PALM2AKAP2: variants seen among roughly 807,000 people sequenced by gnomAD.
PALM2AKAP2 encodes the protein PALM2-AKAP2 fusion protein.
A neutral mutation model predicts 71.5 loss-of-function variants in PALM2AKAP2; 37 were observed. The observed-to-expected ratio is 0.52, with a 90% CI of 0.40 to 0.68. The LOEUF is 0.68. Among genes scored for constraint, PALM2AKAP2 ranks in the 30% least tolerant of loss-of-function variants. PALM2AKAP2 has a pLI of 0.00. For synonymous variants in PALM2AKAP2, 468 were observed against 478.8 expected (o/e 0.98, Z 0.29); for missense variants, 1,224 against 1,191.8 (o/e 1.03, Z -0.40).
chr9:109,699,449 T>A (rs1420554372), intron 1 of PALM2AKAP2, among the ~76,000 whole-genome samples: 1 of 152,256 alleles, frequency 6.6e-6, no homozygotes, highest in Non-Finnish European at 1.5e-5. Flanking sequence ...GGATGTTTAT[T>A]GTAGCATTAT....
rs78882799 is a variant in PALM2AKAP2, at chr9:110,064,981, G to C, written c.156+16126G>C. On this transcript the variant is annotated intron_variant, in intron 1 of 3. Transcript: ENST00000374525. ...CTTCCACAGCTGTCAGAAAGGGCTT[G>C]TTCTGAGGGTGACCTGCAGGTTGCA... 4.7e-3 allele frequency among the ~76,000 whole-genome samples: 715 copies of C among 152,302 alleles called. 2 individuals carry two copies. The highest frequency in any genetic ancestry group is 7.9e-3 in the Non-Finnish European group (537 of 68,028).
rs775166266 is a variant in PALM2AKAP2, at chr9:109,960,152, A to G, written c.496+28124A>G. Among the ~76,000 whole-genome samples the G allele has an allele frequency of 4.8e-4, 73 of 151,646 alleles. 1 individual carries two copies. Among genetic ancestry groups the G allele is most frequent in the Admixed American group, 3.9e-4 (6 of 15,222 alleles). ...CTGGCCATTTTCACCCCTTCCCCAC[A>G]CTTGGCCCATGCTGTTCTGTGCACA... On this transcript the variant is annotated intron_variant, in intron 6 of 9. Transcript: ENST00000302798.
chr9:109,884,506 G>A (rs1479983546), intron 3 of PALM2AKAP2, among the ~76,000 whole-genome samples: 1 of 152,090 alleles, frequency 6.6e-6, no homozygotes, highest in East Asian at 1.9e-4. Context: ...AACAATGCAA[G>A]AATGCAGAGA....
At chr9:109,781,449 A>G (rs1188389358) in intron 1 of PALM2AKAP2, among the ~76,000 whole-genome samples, 1 of 152,262 alleles carries the variant, frequency 6.6e-6, no homozygotes, top group Non-Finnish European at 1.5e-5. Context: ...ATCTCCAGAC[A>G]TTCTTCCACC....
At chr9:109,783,398 A>C (rs985393959) in intron 1 of PALM2AKAP2, among the ~76,000 whole-genome samples, 2 of 151,942 alleles carry the variant, frequency 1.3e-5, no homozygotes, top group African/African-American at 4.8e-5. Flanking sequence ...CTGCATCCTG[A>C]AACCATCCTC....
chr9:110,076,289 T>G (rs1372124853), intron 1 of PALM2AKAP2, among the ~76,000 whole-genome samples: 1 of 151,970 alleles, frequency 6.6e-6, no homozygotes, highest in Non-Finnish European at 1.5e-5. Context: ...GAATTTTACC[T>G]AGATAAATGC....
At chr9:110,001,522 T>C (rs1436554500) in intron 6 of PALM2AKAP2, among the ~76,000 whole-genome samples, 1 of 152,230 alleles carries the variant, frequency 6.6e-6, no homozygotes, top group East Asian at 1.9e-4. Context: ...CATATGAACT[T>C]TAAAGTAGTT....
At chr9:110,095,827 T>G (rs1401141313) in intron 1 of PALM2AKAP2, among the ~76,000 whole-genome samples, 1 of 152,200 alleles carries the variant, frequency 6.6e-6, no homozygotes, top group East Asian at 1.9e-4. Flanking sequence ...GGAAGGAGTA[T>G]TGAGTTCCTA....
intron 6 of PALM2AKAP2, among the ~76,000 whole-genome samples, chr9:110,010,928 G>A (rs61572864): frequency 0.027 from 3,900 of 142,134 alleles, 157 homozygotes; most frequent in African/African-American, 0.091. Flanking sequence ...CCTGGGAGGC[G>A]GAGGTTGCCA....
chr9:109,741,568 T>C (rs1476545073), intron 1 of PALM2AKAP2, among the ~76,000 whole-genome samples: 1 of 152,210 alleles, frequency 6.6e-6, no homozygotes, highest in East Asian at 1.9e-4. Flanking sequence ...AATTTTATGC[T>C]CCCACCAGCA....
chr9:109,961,817 A>C (rs536779638), intron 6 of PALM2AKAP2, among the ~76,000 whole-genome samples: 1 of 152,252 alleles, frequency 6.6e-6, no homozygotes, highest in East Asian at 1.9e-4. Flanking sequence ...ACATCAAAGC[A>C]TTTCCTTTTT....
At chr9:110,022,868 G>A (rs1380865599) in intron 7 of PALM2AKAP2, among the ~76,000 whole-genome samples, 7 of 151,996 alleles carry the variant, frequency 4.6e-5, no homozygotes, top group Admixed American at 2.0e-4. Context: ...TGAGAATGAT[G>A]GTTTCCAGTT....
chr9:109,693,190 C>A (rs1200319725), intron 1 of PALM2AKAP2, among the ~76,000 whole-genome samples: 3 of 151,718 alleles, frequency 2.0e-5, no homozygotes, highest in Admixed American at 6.6e-5. Context: ...TTATTTATTT[C>A]TTGAGTGAGT....
At chr9:110,020,767 A>C (rs1833060281) in intron 7 of PALM2AKAP2, among the ~76,000 whole-genome samples, 1 of 152,086 alleles carries the variant, frequency 6.6e-6, no homozygotes, top group Non-Finnish European at 1.5e-5. Flanking sequence ...AAATGGACTA[A>C]TAAACCTGTG....
At chr9:110,029,413 G>GT (rs1035692614) in intron 7 of PALM2AKAP2, among the ~76,000 whole-genome samples, 1 of 152,060 alleles carries the variant, frequency 6.6e-6, no homozygotes, top group Non-Finnish European at 1.5e-5. Context: ...TCTCTGAGTG[G>GT]TCACCCTAAA....
chr9:109,800,555 T>G (rs1411014248), intron 1 of PALM2AKAP2, among the ~76,000 whole-genome samples: 3 of 152,172 alleles, frequency 2.0e-5, no homozygotes, highest in Non-Finnish European at 4.4e-5. Context: ...GTATCACTAA[T>G]TGATCATGGA....
intron 6 of PALM2AKAP2, among the ~76,000 whole-genome samples, chr9:110,006,353 T>TCTTC (rs1341412741): frequency 8.9e-5 from 13 of 145,898 alleles, no homozygotes; most frequent in African/African-American, 3.4e-4. Context: ...TTTCTTTCTT[T>TCTTC]CTTTCTTTCT....
intron 1 of PALM2AKAP2, among the ~76,000 whole-genome samples, chr9:110,056,246 G>T (rs1833837851): frequency 6.6e-6 from 1 of 152,216 alleles, no homozygotes; most frequent in African/African-American, 2.4e-5. Flanking sequence ...CCGCCTCCCA[G>T]TGCAGCTGAC....
chr9:109,685,084 C>G (rs145050938), intron 1 of PALM2AKAP2, among the ~76,000 whole-genome samples: 1 of 152,064 alleles, frequency 6.6e-6, no homozygotes, highest in Non-Finnish European at 1.5e-5. Flanking sequence ...ATGTGCAATT[C>G]TAGAAGATAC....
Sources: gnomAD v4.1 joint callset for allele counts (sites outside exome capture counted in the v4.1 genomes callset) on GRCh38, gnomAD v4.1.1 for gene constraint, MANE v1.5 for transcripts, NCBI Gene and HGNC (gene_info 2026-07-23, HGNC 2026-07-21) for gene names.